Variants in RFX2 observed in about 807,000 individuals in gnomAD.
RFX2 encodes the protein DNA-binding protein RFX2.
A neutral mutation model predicts 87.8 loss-of-function variants in RFX2; 20 were observed. The observed-to-expected ratio is 0.23, with a 90% confidence interval of 0.16 to 0.33. The LOEUF (loss-of-function observed/expected upper bound fraction) is 0.33, where lower values mean the gene tolerates loss of function less well. RFX2 is among the 10% of genes least tolerant of loss of function. The probability of loss-of-function intolerance (pLI) is 1.00; values close to 1 mark genes in which losing one functional copy is unlikely to be tolerated. For missense variants in RFX2, 767 were observed against 1,012.3 expected, an observed-to-expected ratio of 0.76 and a Z score of 3.29; for synonymous variants, 397 against 431.3, an observed-to-expected ratio of 0.92 and a Z score of 0.98.
rs2086468911 is a variant in RFX2, at chr19:5,999,957, A to G, written c.1859+1858T>C. 6.7e-6 allele frequency among the ~76,000 whole-genome samples: 1 copy of G among 149,574 alleles called. No individual in the cohort carries two copies. Among genetic ancestry groups the G allele is most frequent in the Non-Finnish European group, 1.5e-5 (1 of 67,632 alleles). Reference sequence around the variant, plus strand: ...CTGAGAACAGGGGTGCTGGCTGGCCAGCTGAGGGGTCAGCAAACTTGTTCT... The same window carrying G: ...CTGAGAACAGGGGTGCTGGCTGGCCGGCTGAGGGGTCAGCAAACTTGTTCT... On this transcript the variant is annotated intron_variant, in intron 15 of 17. Transcript: ENST00000303657. This position sits in a 1 kb window ranked among gnomAD's most constrained non-coding sequence, Gnocchi z 4.1.
chr19:6,092,970 G>A (rs2087962136), intron 1 of RFX2, among the ~76,000 whole-genome samples: 1 of 152,138 alleles, frequency 6.6e-6, no homozygotes, highest in African/African-American at 2.4e-5. Flanking sequence ...AAGGCCCTGT[G>A]GTGTCGGGGA....
rs553142802 is a variant in RFX2, at chr19:6,046,563, C to CA, written c.90+843dup. On this transcript the variant is annotated intron_variant, in intron 2 of 17. Transcript: ENST00000303657. ...GACAGAGCGAGACTCCGTCCCCCCC[C>CA]AAAAAAAAAAAAAAATTCTAACTCA... Among the ~76,000 whole-genome samples, 632 of 117,028 alleles carry CA rather than the reference C, an allele frequency of 5.4e-3. 3 individuals are homozygous for CA. The highest frequency in any genetic ancestry group is 0.014 in the African/African-American group (461 of 33,124). 76.8% of individuals were successfully genotyped at this position (117,028 alleles called of 152,430 possible).
intron 1 of RFX2, among the ~76,000 whole-genome samples, chr19:6,051,234 T>TA (rs199812262): frequency 0.017 from 2,533 of 152,256 alleles, 79 homozygotes; most frequent in African/African-American, 0.058. Context: ...CAGGTAATTA[T>TA]AAAAAACCGT....
chr19:6,078,475 G>A (rs1015159863), intron 1 of RFX2: 1 of 152,088 alleles, frequency 6.6e-6, no homozygotes, highest in African/African-American at 2.4e-5. Flanking sequence ...CTAAAACTAT[G>A]CTGCCATTAA....
At chr19:6,096,592 G>A (rs954097681) in intron 1 of RFX2, among the ~76,000 whole-genome samples, 4 of 151,890 alleles carry the variant, frequency 2.6e-5, no homozygotes, top group South Asian at 2.1e-4. Flanking sequence ...GACTACAGGC[G>A]CCCACCACCA....
intron 1 of RFX2, among the ~76,000 whole-genome samples, chr19:6,049,923 C>T (rs910648264): frequency 2.6e-5 from 4 of 152,224 alleles, no homozygotes; most frequent in African/African-American, 9.6e-5. Context: ...CCCCAGTCCA[C>T]AAATGCTTGG....
intron 1 of RFX2, among the ~76,000 whole-genome samples, chr19:6,054,307 T>C (rs976671140): frequency 6.6e-6 from 1 of 152,118 alleles, no homozygotes; most frequent in Non-Finnish European, 1.5e-5. Flanking sequence ...TACTGGTGAA[T>C]GCTATCAAAT....
In RFX2 at chr19:6,002,770, A is replaced by T. The variant is rs1465463131; in HGVS notation, c.1601T>A (p.Ile534Asn). ...GTTGAGGTCGCTGAGCATCTGGTTG[A>T]TCTGGGACGTGTTCTGCAGCACCGC... ...ARAVLQNTSQ[I>N]NQMLSDLNRV... The change falls in exon 14 of 18, where the codon ATC becomes AAC. Residue 534 changes from isoleucine to asparagine, a missense_variant. Coordinates refer to ENST00000303657, the MANE Select transcript of RFX2 (RefSeq NM_000635.4). This position sits in a 1 kb window ranked among gnomAD's most constrained non-coding sequence, Gnocchi z 6.7. 9.3e-6 allele frequency: 15 copies of T among 1,613,790 alleles called. 1 individual carries two copies. The Admixed American group carries it at 2.2e-4, about 23-fold the overall frequency.
chr19:6,057,766 A>G (rs552272599), intron 1 of RFX2, among the ~76,000 whole-genome samples: 1 of 152,304 alleles, frequency 6.6e-6, no homozygotes, highest in African/African-American at 2.4e-5. Flanking sequence ...TGCTCTCAGG[A>G]GTACCAGTTG....
intron 17 of RFX2, among the ~76,000 whole-genome samples, chr19:5,995,366 C>T (rs2086392234): frequency 6.6e-6 from 1 of 152,168 alleles, no homozygotes; most frequent in Non-Finnish European, 1.5e-5. Flanking sequence ...GCTGAGGTCC[C>T]TGGGCAGCGG....
chr19:6,013,234 G>A lies in RFX2; in HGVS notation c.780-129C>T. 1 of 962,294 alleles carries A rather than the reference G, an allele frequency of 1.0e-6. No individual in the cohort carries two copies. Among genetic ancestry groups the A allele is most frequent in the Non-Finnish European group, 1.5e-6 (1 of 687,944 alleles). The allele number at this position is 962,294 out of a possible 1,614,324, so 59.6% of individuals were successfully genotyped here. The stretch of plus-strand genomic sequence containing the variant: ...AGAATCTCATTCTGTCGCCCAGGCT[G>A]GAGTACAGCAGTGCCATCTCGGCTC... On this transcript the variant is annotated intron_variant, in intron 7 of 17. Coordinates refer to ENST00000303657, the MANE Select transcript of RFX2 (RefSeq NM_000635.4). The surrounding 1 kb of genome is among the most constrained non-coding windows in gnomAD (Gnocchi z 4.1).
Position 6,001,844 on chromosome 19 carries a change from C to A in RFX2, c.1830G>T (p.Arg610=). Residue 610 remains arginine (R), a synonymous_variant, in exon 15 of 18, where the codon CGG becomes CGT. Coordinates refer to ENST00000303657, the MANE Select transcript of RFX2 (RefSeq NM_000635.4). The surrounding 1 kb of genome is among the most constrained non-coding windows in gnomAD (Gnocchi z 5.6). The part of the protein sequence containing the change: ...AGSPSFPKAA[R]QFLLKWSFYS... ...AAAAGGACCATTTCAGCAAGAACTG[C>A]CGGGCGGCCTTGGGGAAGCTGGGGC... is the stretch of plus-strand genomic sequence containing the variant. 6.2e-7 allele frequency: 1 copy of A among 1,612,390 alleles called. No individual in the cohort carries two copies. The highest frequency in any genetic ancestry group is 8.5e-7 in the Non-Finnish European group (1 of 1,179,198).
intron 1 of RFX2, among the ~76,000 whole-genome samples, chr19:6,088,211 CTTTTTTTTT>C (rs1030226963): frequency 0.033 from 2,817 of 84,510 alleles, 123 homozygotes; most frequent in African/African-American, 0.13. Context: ...GGCACTACAG[CTTTTTTTTT>C]TTTTTTTTTT....
At chr19:6,065,913 T>C (rs1568531565) in intron 1 of RFX2, among the ~76,000 whole-genome samples, 1 of 145,512 alleles carries the variant, frequency 6.9e-6, no homozygotes, top group Non-Finnish European at 1.5e-5. Context: ...TCGAGATGAA[T>C]GAGGAAGAAT....
intron 7 of RFX2, among the ~76,000 whole-genome samples, chr19:6,014,856 G>A (rs553143056): frequency 1.1e-4 from 16 of 152,292 alleles, no homozygotes; most frequent in Admixed American, 2.0e-4. Context: ...CCACCGCCAC[G>A]CCGTTTATAG....
At chr19:6,095,360 C>A (rs189124737) in intron 1 of RFX2, among the ~76,000 whole-genome samples, 13 of 152,024 alleles carry the variant, frequency 8.6e-5, no homozygotes, top group Non-Finnish European at 2.9e-5. Context: ...GTAATTTTGA[C>A]AAATAATTAC....
rs1021493040 is a variant in RFX2, at chr19:6,063,443, A to G, written c.-8-15939T>C. On this transcript the variant is annotated intron_variant, in intron 1 of 17. Transcript: ENST00000303657. The surrounding 1 kb of genome is among the most constrained non-coding windows in gnomAD (Gnocchi z 4.0). The stretch of plus-strand genomic sequence containing the variant: ...CTGGCACTGGTGTCTCCTGCACACA[A>G]CGCAGGGAGGGTGAGGATGGGGTCC... Among the ~76,000 whole-genome samples the G allele has an allele frequency of 2.0e-5, 3 of 152,176 alleles. No individual in the cohort carries two copies. Among genetic ancestry groups the G allele is most frequent in the East Asian group, 3.9e-4 (2 of 5,186 alleles).
intron 1 of RFX2, among the ~76,000 whole-genome samples, chr19:6,067,164 A>G (rs527816994): frequency 6.6e-6 from 1 of 152,304 alleles, no homozygotes; most frequent in South Asian, 2.1e-4. Flanking sequence ...GAAAGAATCT[A>G]TTTATCATCA....
intron 1 of RFX2, among the ~76,000 whole-genome samples, chr19:6,054,885 C>T (rs2087312907): frequency 2.6e-5 from 4 of 152,132 alleles, no homozygotes; most frequent in Admixed American, 6.5e-5. Flanking sequence ...AAAACCTCTG[C>T]TCATTAAAAG....
Sources: allele counts gnomAD v4.1 joint callset (sites outside exome capture counted in the v4.1 genomes callset), GRCh38; gene constraint gnomAD v4.1.1; non-coding constraint Gnocchi (gnomAD v3.1); transcripts MANE v1.5; gene names NCBI Gene and HGNC (gene_info 2026-07-23, HGNC 2026-07-21).